Variants in AMBRA1 observed in about 807,000 individuals in gnomAD.
AMBRA1 encodes the protein autophagy and beclin 1 regulator 1.
Under a neutral mutation model 125.4 loss-of-function variants are expected in AMBRA1, and 47 were observed. The ratio of observed to expected loss-of-function variants is 0.37; its 90% CI spans 0.30 to 0.48. The LOEUF (loss-of-function observed/expected upper bound fraction) is 0.48, where lower values mean the gene tolerates loss of function less well. Ranked by LOEUF, AMBRA1 falls within the 20% of genes least tolerant of loss-of-function variation. AMBRA1 has a pLI of 0.99. For missense variants in AMBRA1, 1,331 were observed against 1,693.4 expected (o/e 0.79, Z 3.76); for synonymous variants, 626 against 655.5 (o/e 0.95, Z 0.69).
chr11:46,520,795 C>T (rs1176061591), intron 7 of AMBRA1, among the ~76,000 whole-genome samples: 6 of 149,986 alleles, frequency 4.0e-5, no homozygotes, highest in Admixed American at 1.3e-4. Flanking sequence ...TTAGTAGAGA[C>T]GGGGTTTCAC....
intron 7 of AMBRA1, among the ~76,000 whole-genome samples, chr11:46,526,974 A>C (rs1952000493): frequency 6.6e-6 from 1 of 152,186 alleles, no homozygotes; most frequent in African/African-American, 2.4e-5. Context: ...GATCATAATA[A>C]AGCAAGTGTA....
intron 14 of AMBRA1, among the ~76,000 whole-genome samples, chr11:46,427,826 T>C (rs1356106478): frequency 1.3e-5 from 2 of 151,986 alleles, no homozygotes; most frequent in Non-Finnish European, 2.9e-5. Flanking sequence ...CTGGTCAACA[T>C]AGTGAAACCC....
At chr11:46,490,559 T>C (rs1950424265) in intron 11 of AMBRA1, among the ~76,000 whole-genome samples, 1 of 152,186 alleles carries the variant, frequency 6.6e-6, no homozygotes, top group African/African-American at 2.4e-5. Flanking sequence ...TGTTGATGAT[T>C]CTGAATGGCT....
At chr11:46,557,669 A>G (rs1376559752) in intron 1 of AMBRA1, among the ~76,000 whole-genome samples, 1 of 152,154 alleles carries the variant, frequency 6.6e-6, no homozygotes, top group Non-Finnish European at 1.5e-5. Flanking sequence ...TTAGCTAGGC[A>G]TGGTGGCATG....
intron 7 of AMBRA1, 104 bp downstream of exon 7, chr11:46,541,841 T>G (rs1315729146): frequency 8.3e-6 from 12 of 1,454,172 alleles, no homozygotes; most frequent in Admixed American, 2.3e-5. Flanking sequence ...AGCAGATGCG[T>G]GGGTCCCAGA....
intron 1 of AMBRA1, among the ~76,000 whole-genome samples, chr11:46,584,389 G>A (rs1373449147): frequency 9.8e-6 from 1 of 101,794 alleles, no homozygotes; most frequent in Non-Finnish European, 1.9e-5. Context: ...GGGGGGAGGG[G>A]GGAGGGATAG....
chr11:46,583,034 T>C (rs1047472212), intron 1 of AMBRA1, among the ~76,000 whole-genome samples: 4 of 151,920 alleles, frequency 2.6e-5, no homozygotes, highest in African/African-American at 7.3e-5. Context: ...AATGAATGAC[T>C]GTCGCCAAGT....
In AMBRA1 at chr11:46,537,839, C is replaced by T. The variant is rs184950031; in HGVS notation, c.2072+4106G>A. 1.2e-4 allele frequency among the ~76,000 whole-genome samples: 18 copies of T among 152,328 alleles called. No individual in the cohort carries two copies. The East Asian group carries it at 2.5e-3, about 21-fold the overall frequency. ...CCTTTGCCTATCTTCTACTATAAGG[C>T]CAATGAACAAAACTTTCTCCTTTCA... On this transcript the variant is annotated intron_variant, in intron 7 of 17. Coordinates refer to ENST00000683756, the MANE Select transcript of AMBRA1 (RefSeq NM_001387011.1).
intron 1 of AMBRA1, among the ~76,000 whole-genome samples, chr11:46,588,762 C>A (rs1332031898): frequency 7.1e-6 from 1 of 140,796 alleles, no homozygotes; most frequent in Non-Finnish European, 1.5e-5. Flanking sequence ...GCAACAAGAG[C>A]GAAACTCCAT....
intron 1 of AMBRA1, among the ~76,000 whole-genome samples, chr11:46,591,955 T>A (rs1249473715): frequency 6.7e-6 from 1 of 150,042 alleles, no homozygotes; most frequent in Non-Finnish European, 1.5e-5. Flanking sequence ...TTTTTTTTTT[T>A]TTTTTTTGAG....
intron 14 of AMBRA1, among the ~76,000 whole-genome samples, chr11:46,423,763 T>A (rs1946975808): frequency 6.9e-6 from 1 of 145,596 alleles, no homozygotes; most frequent in Non-Finnish European, 1.5e-5. Context: ...ACCCATTTTT[T>A]TTTTTTTTTT....
chr11:46,427,319 G>T (rs1365885838), intron 14 of AMBRA1, among the ~76,000 whole-genome samples: 1 of 151,982 alleles, frequency 6.6e-6, no homozygotes, highest in Admixed American at 6.6e-5. Context: ...AACTTGATCA[G>T]CAGCAGCAGC....
chr11:46,504,449 A>G (rs1273191052), intron 9 of AMBRA1: 3 of 152,214 alleles, frequency 2.0e-5, no homozygotes, highest in East Asian at 3.8e-4. Context: ...TTGAAAGCAG[A>G]CAGACAGCAA....
At chr11:46,464,823 G>T (rs1465961348) in intron 11 of AMBRA1, among the ~76,000 whole-genome samples, 2 of 151,744 alleles carry the variant, frequency 1.3e-5, no homozygotes, top group Non-Finnish European at 2.9e-5. Context: ...AAGGCAGTCG[G>T]ATCACGAGGT....
chr11:46,534,050 A>T (rs968821344), intron 7 of AMBRA1, among the ~76,000 whole-genome samples: 1 of 150,750 alleles, frequency 6.6e-6, no homozygotes, highest in African/African-American at 2.4e-5. Flanking sequence ...TTTTTTGATG[A>T]TCCTATTTCA....
At chr11:46,406,836 T>C (rs1010932088) in intron 17 of AMBRA1, among the ~76,000 whole-genome samples, 1 of 150,510 alleles carries the variant, frequency 6.6e-6, no homozygotes, top group Non-Finnish European at 1.5e-5. Context: ...TAAGCTGAGA[T>C]TGCACCACTG....
chr11:46,560,361 G>A (rs2043291181), intron 1 of AMBRA1, among the ~76,000 whole-genome samples: 1 of 152,184 alleles, frequency 6.6e-6, no homozygotes, highest in African/African-American at 2.4e-5. Flanking sequence ...TCTAATTACT[G>A]TAACTATAAT....
intron 9 of AMBRA1, among the ~76,000 whole-genome samples, chr11:46,499,669 T>C (rs1257196437): frequency 6.6e-6 from 1 of 152,104 alleles, no homozygotes; most frequent in Non-Finnish European, 1.5e-5. Flanking sequence ...TTTTTTTCTT[T>C]TTTTTGAGAT....
intron 14 of AMBRA1, among the ~76,000 whole-genome samples, chr11:46,422,602 G>C (rs963938034): frequency 6.6e-6 from 1 of 151,980 alleles, no homozygotes; most frequent in Admixed American, 6.6e-5. Flanking sequence ...GGAGGTCAGC[G>C]GGAAACCTTC....
Sources: allele counts gnomAD v4.1 joint callset (sites outside exome capture counted in the v4.1 genomes callset), GRCh38; gene constraint gnomAD v4.1.1; transcripts MANE v1.5; gene names NCBI Gene and HGNC (gene_info 2026-07-23, HGNC 2026-07-21).